The following GHR variants were observed in gnomAD, a reference collection of about 807,000 sequenced individuals.
GHR encodes the protein GH receptor.
In GHR, 35 loss-of-function variants were observed where a neutral mutation model predicts 67.1. That is an observed-to-expected ratio of 0.52 (90% CI 0.40 to 0.69). The LOEUF (loss-of-function observed/expected upper bound fraction) is 0.69, where lower values mean the gene tolerates loss of function less well. Ranked by LOEUF, GHR falls within the 30% of genes least tolerant of loss-of-function variation. The pLI is 0.00. For synonymous variants in GHR, 272 were observed against 269.1 expected (o/e 1.01, Z -0.10); for missense variants, 792 against 764.6 (o/e 1.04, Z -0.42).
At chr5:42,468,749 C>A in intron 1 of GHR, 1 of 1,053,878 alleles carries the variant, frequency 9.5e-7, no homozygotes, top group Non-Finnish European at 1.5e-6. Context: ...CCGCCAGCTT[C>A]TTTTTTCTTG....
At chr5:42,601,865 A>G (rs1752391085) in intron 2 of GHR, among the ~76,000 whole-genome samples, 1 of 152,062 alleles carries the variant, frequency 6.6e-6, no homozygotes, top group Admixed American at 6.6e-5. Context: ...TTGTGTATCA[A>G]GGGTTGTTTA....
chr5:42,716,200 A>G (rs1195747008), intron 8 of GHR, among the ~76,000 whole-genome samples: 1 of 151,608 alleles, frequency 6.6e-6, no homozygotes, highest in African/African-American at 2.4e-5. Flanking sequence ...GCGAAACAGC[A>G]GCATGACACA....
rs1001552283 is a variant in GHR at position 42,424,312 on chromosome 5, G to T, written c.-12+357G>T. 1 of 533,934 alleles carries T rather than the reference G, an allele frequency of 1.9e-6. No individual in the cohort carries two copies. The highest frequency in any genetic ancestry group is 1.9e-5 in the African/African-American group (1 of 52,314). The allele number at this position is 533,934 out of a possible 1,614,324, so 33.1% of individuals were successfully genotyped here. Reference sequence around the variant, plus strand: ...CTGGCCCGCGAGTAGTGTACGTGGAGGGGTTTACTCCGGAGACAGTTTTGT... The same window carrying T: ...CTGGCCCGCGAGTAGTGTACGTGGATGGGTTTACTCCGGAGACAGTTTTGT... On this transcript the variant is annotated intron_variant, in intron 1 of 9. Coordinates refer to ENST00000230882, the MANE Select transcript of GHR (RefSeq NM_000163.5). The surrounding 1 kb of genome is among the most constrained non-coding windows in gnomAD (Gnocchi z 4.1).
chr5:42,465,679 G>A (rs1001593559), intron 1 of GHR: 11 of 853,418 alleles, frequency 1.3e-5, no homozygotes, highest in South Asian at 5.3e-5. Flanking sequence ...ACAGGTCCTC[G>A]TGCTTCAGGC....
At chr5:42,541,044 A>G (rs934817054) in intron 1 of GHR, among the ~76,000 whole-genome samples, 1 of 150,410 alleles carries the variant, frequency 6.6e-6, no homozygotes, top group Non-Finnish European at 1.5e-5. Flanking sequence ...ATTACCCACC[A>G]TGTTTTACTT....
chr5:42,656,846 C>A (rs1443330192), intron 3 of GHR, among the ~76,000 whole-genome samples: 1 of 152,090 alleles, frequency 6.6e-6, no homozygotes, highest in African/African-American at 2.4e-5. Context: ...ATATATCTAG[C>A]TACTTATTTG....
At chr5:42,686,403 G>T (rs1023155152) in intron 3 of GHR, among the ~76,000 whole-genome samples, 3 of 152,130 alleles carry the variant, frequency 2.0e-5, no homozygotes, top group Non-Finnish European at 4.4e-5. Flanking sequence ...CAATATCCCT[G>T]ATGAACACTG....
At chr5:42,530,858 A>C (rs1264974440) in intron 1 of GHR, among the ~76,000 whole-genome samples, 1 of 152,226 alleles carries the variant, frequency 6.6e-6, no homozygotes, top group African/African-American at 2.4e-5. Flanking sequence ...TCTCTTTGGA[A>C]TAGGTTTGTG....
chr5:42,699,782 A>G lies in GHR; in HGVS notation c.440-42A>G, dbSNP rs756398010. 4.5e-6 allele frequency: 6 copies of G among 1,336,914 alleles called. No homozygotes were observed. In the South Asian group the frequency reaches 5.9e-5, roughly 13 times the overall value. The allele number at this position is 1,336,914 out of a possible 1,614,324, so 82.8% of individuals were successfully genotyped here. A position where few individuals can be genotyped will look rare whatever the true frequency, so the allele number is the denominator to read the frequency against. ...GAAGAATGCCTTCCATTAATATTAA[A>G]TTGTGTCTGTCTGTGTACTAATGCT... On this transcript the variant is annotated intron_variant, in intron 5 of 9. Coordinates refer to ENST00000230882, the MANE Select transcript of GHR (RefSeq NM_000163.5).
chr5:42,480,098 G>T (rs186689901), intron 1 of GHR, among the ~76,000 whole-genome samples: 2 of 152,034 alleles, frequency 1.3e-5, no homozygotes, highest in Admixed American at 1.3e-4. Flanking sequence ...CTTTGTTCTT[G>T]TTGCTTTCAA....
At chr5:42,455,724 G>T (rs149125608) in intron 1 of GHR, among the ~76,000 whole-genome samples, 133 of 152,232 alleles carry the variant, frequency 8.7e-4, no homozygotes, top group African/African-American at 3.1e-3. Flanking sequence ...TAGGAATAAA[G>T]GACTCCAGCA....
intron 4 of GHR, among the ~76,000 whole-genome samples, chr5:42,693,854 T>C (rs1002432464): frequency 6.6e-6 from 1 of 152,230 alleles, no homozygotes; most frequent in African/African-American, 2.4e-5. Context: ...CTTTGACTTA[T>C]ATATTGTCTT....
chr5:42,607,325 A>G (rs1312463463), intron 2 of GHR, among the ~76,000 whole-genome samples: 1 of 152,200 alleles, frequency 6.6e-6, no homozygotes, highest in Admixed American at 6.5e-5. Flanking sequence ...TTGAGGTGCT[A>G]TATGTGTGGT....
At chr5:42,465,775 GC>G in intron 1 of GHR, 1 of 856,232 alleles carries the variant, frequency 1.2e-6, no homozygotes, top group Non-Finnish European at 2.0e-6. Flanking sequence ...CATCTCCTTG[GC>G]CCATTTCACG....
At chr5:42,624,768 T>C (rs1399987585) in intron 2 of GHR, among the ~76,000 whole-genome samples, 1 of 152,234 alleles carries the variant, frequency 6.6e-6, no homozygotes, top group African/African-American at 2.4e-5. Context: ...CCTCTTTTAG[T>C]GCTCATCTTA....
chr5:42,617,571 T>TC (rs1390180239), intron 2 of GHR, among the ~76,000 whole-genome samples: 2 of 151,904 alleles, frequency 1.3e-5, no homozygotes, highest in East Asian at 3.9e-4. Flanking sequence ...CCTCCCCATT[T>TC]CCCCCCTCAC....
chr5:42,624,962 CT>C (rs1248652161), intron 2 of GHR, among the ~76,000 whole-genome samples: 1 of 152,158 alleles, frequency 6.6e-6, no homozygotes, highest in Non-Finnish European at 1.5e-5. Context: ...AGGTGTAGTA[CT>C]TTATTTACTT....
rs140527426 is a variant in GHR at position 42,469,445 on chromosome 5, T to A, written c.-12+45490T>A. Among the ~76,000 whole-genome samples the A allele has an allele frequency of 7.4e-3, 1,132 of 152,308 alleles. 13 individuals are homozygous for A. Among genetic ancestry groups the A allele is most frequent in the African/African-American group, 0.026 (1,084 of 41,564 alleles). On this transcript the variant is annotated intron_variant, in intron 1 of 9. Transcript: ENST00000230882. ...CACTTTGACAGAACAGTCTACTGTCTGCCTCAGCCTATCCTGGAGATGTCC... is the reference window on the plus strand; with the variant it reads ...CACTTTGACAGAACAGTCTACTGTCAGCCTCAGCCTATCCTGGAGATGTCC...
chr5:42,704,260 AT>A (rs1164192981), intron 6 of GHR, among the ~76,000 whole-genome samples: 1 of 151,830 alleles, frequency 6.6e-6, no homozygotes, highest in Admixed American at 6.6e-5. Flanking sequence ...GGTTTTTATC[AT>A]GAAAGGATAT....
Sources: allele counts gnomAD v4.1 joint callset (sites outside exome capture counted in the v4.1 genomes callset), GRCh38; gene constraint gnomAD v4.1.1; non-coding constraint Gnocchi (gnomAD v3.1); transcripts MANE v1.5; gene names NCBI Gene and HGNC (gene_info 2026-07-23, HGNC 2026-07-21).